PTGER3: variants seen among roughly 807,000 people sequenced by gnomAD.
The protein encoded by PTGER3 is prostaglandin E receptor 3.
A neutral mutation model predicts 34.7 loss-of-function variants in PTGER3; 22 were observed. The ratio of observed to expected loss-of-function variants is 0.63; its 90% CI spans 0.45 to 0.91. The LOEUF (loss-of-function observed/expected upper bound fraction) is 0.91, where lower values mean the gene tolerates loss of function less well. PTGER3 is among the 40% of genes least tolerant of loss of function. The pLI, the probability that PTGER3 is intolerant of heterozygous loss-of-function variation, is 0.00. For synonymous variants in PTGER3, 241 were observed against 230.1 expected, an observed-to-expected ratio of 1.05 and a Z score of -0.43; for missense variants, 468 against 519.4, an observed-to-expected ratio of 0.90 and a Z score of 0.96.
intron 1 of PTGER3, among the ~76,000 whole-genome samples, chr1:71,042,642 A>G (rs1343722594): frequency 1.2e-4 from 19 of 152,182 alleles, no homozygotes; most frequent in Admixed American, 1.2e-3. Flanking sequence ...GGCAGAAGAG[A>G]TTAGCAATTG....
Position 70,929,301 on chromosome 1 carries a change from T to C in PTGER3, c.*23+24462A>G, listed in dbSNP as rs571389184. On this transcript the variant is annotated intron_variant, in intron 4 of 4. Coordinates refer to the PTGER3 transcript ENST00000370931. ...GGAGTTCTTGTCTATCATTCAGCAG[T>C]AACATCTTGGTTACTGGGCTAATCT... 3.9e-4 allele frequency among the ~76,000 whole-genome samples: 59 copies of C among 152,336 alleles called. 1 individual carries two copies. Among genetic ancestry groups the C allele is most frequent in the African/African-American group, 1.4e-3 (58 of 41,590 alleles).
intron 2 of PTGER3, among the ~76,000 whole-genome samples, chr1:70,988,225 C>A (rs1261475548): frequency 6.6e-6 from 1 of 152,094 alleles, no homozygotes; most frequent in Admixed American, 6.5e-5. Context: ...TCAGGCAAAA[C>A]CTTGATAAAT....
chr1:70,861,750 T>C (rs1645932657), intron 4 of PTGER3, among the ~76,000 whole-genome samples: 1 of 152,194 alleles, frequency 6.6e-6, no homozygotes, highest in East Asian at 1.9e-4. Flanking sequence ...GCTTGCTGTG[T>C]GTTTCTCTCT....
chr1:70,915,143 T>G (rs1647146198), intron 4 of PTGER3, among the ~76,000 whole-genome samples: 2 of 151,896 alleles, frequency 1.3e-5, no homozygotes, highest in African/African-American at 2.4e-5. Flanking sequence ...GTAATCTGCT[T>G]TATTAGAAAA....
chr1:71,047,689 C>G lies in PTGER3; in HGVS notation c.-112G>C, dbSNP rs932620282. 2 of 1,279,878 alleles carry G rather than the reference C, an allele frequency of 1.6e-6. No homozygotes were observed. The highest frequency in any genetic ancestry group is 2.1e-6 in the Non-Finnish European group (2 of 961,978). 79.3% of individuals were successfully genotyped at this position (1,279,878 alleles called of 1,614,324 possible). A position where few individuals can be genotyped will look rare whatever the true frequency, so the allele number is the denominator to read the frequency against. On this transcript the variant is annotated 5_prime_UTR_variant, in exon 1 of 4. Coordinates refer to ENST00000306666, the MANE Select transcript of PTGER3 (RefSeq NM_198719.2). The stretch of plus-strand genomic sequence containing the variant: ...GTTTACCGCGGCTGGGGCTGGGCTG[C>G]CCCCCATGGTGCGGGGCGCAGCCGC...
intron 2 of PTGER3, among the ~76,000 whole-genome samples, chr1:70,987,519 G>A (rs1422762376): frequency 6.6e-6 from 1 of 152,196 alleles, no homozygotes; most frequent in Non-Finnish European, 1.5e-5. Flanking sequence ...ATTGCACTAA[G>A]TAGTTCCATG....
chr1:70,874,225 G>T lies in PTGER3; in HGVS notation c.*24-21366C>A, dbSNP rs35406306. Reference sequence around the variant, plus strand: ...CAAACTGCAGCAAGCAGAGCTCAGTGCAGAACTGCATGTACTCACACTTCC... The same window carrying T: ...CAAACTGCAGCAAGCAGAGCTCAGTTCAGAACTGCATGTACTCACACTTCC... On this transcript the variant is annotated intron_variant, in intron 4 of 4. Transcript: ENST00000370931. Among the ~76,000 whole-genome samples the T allele has an allele frequency of 1.3e-4, 20 of 152,318 alleles. No homozygotes were observed. The East Asian group carries it at 3.9e-3, about 29-fold the overall frequency.
intron 4 of PTGER3, among the ~76,000 whole-genome samples, chr1:70,909,858 T>C (rs760841170): frequency 4.3e-4 from 66 of 152,338 alleles, no homozygotes; most frequent in Non-Finnish European, 7.6e-4. Flanking sequence ...TTCTTCACTC[T>C]CGCTCACCTC....
rs141908497 is a variant in PTGER3 at position 71,036,173 on chromosome 1, A to G, written c.897+10508T>C. On this transcript the variant is annotated intron_variant, in intron 1 of 3. Transcript: ENST00000306666. The stretch of plus-strand genomic sequence containing the variant: ...TGTGGTATACCAAAGGAAAACCCAC[A>G]CAACACTCTGTGGTCACTTGGGAAG... Among the ~76,000 whole-genome samples, 260 of 152,348 alleles carry G rather than the reference A, an allele frequency of 1.7e-3. 6 individuals are homozygous for G. In the East Asian group the frequency reaches 0.042, roughly 25 times the overall value.
chr1:71,022,949 G>C (rs899437406), intron 1 of PTGER3, among the ~76,000 whole-genome samples: 5 of 151,726 alleles, frequency 3.3e-5, no homozygotes, highest in Non-Finnish European at 7.4e-5. Flanking sequence ...AATTGTTCCT[G>C]TCCTCTTTTA....
chr1:70,985,481 A>G (rs1654829237), intron 2 of PTGER3, among the ~76,000 whole-genome samples: 1 of 152,156 alleles, frequency 6.6e-6, no homozygotes, highest in Non-Finnish European at 1.5e-5. Context: ...TGTTTCTCAT[A>G]AATGCAGAAT....
chr1:71,009,913 T>G (rs981189158), intron 2 of PTGER3: 7 of 985,132 alleles, frequency 7.1e-6, no homozygotes, highest in Non-Finnish European at 8.4e-6. Flanking sequence ...TCAACCATCA[T>G]GAAAAGGCTG....
chr1:70,932,556 C>A (rs1462162196), intron 4 of PTGER3, among the ~76,000 whole-genome samples: 1 of 152,144 alleles, frequency 6.6e-6, no homozygotes, highest in African/African-American at 2.4e-5. Flanking sequence ...GTGCTTCTTA[C>A]ATGGTGGCGG....
At chr1:71,019,376 G>A (rs2268061) in intron 1 of PTGER3, among the ~76,000 whole-genome samples, 50,393 of 151,990 alleles carry the variant, frequency 0.33, 9,069 homozygotes, top group South Asian at 0.45. Flanking sequence ...CTAGCTGAAC[G>A]GAGCTGCAGC....
Position 71,047,414 on chromosome 1 carries a change from G to C in PTGER3, c.164C>G (p.Pro55Arg). 3 of 1,611,736 alleles carry C rather than the reference G, an allele frequency of 1.9e-6. No homozygotes were observed. The highest frequency in any genetic ancestry group is 2.5e-6 in the Non-Finnish European group (3 of 1,179,698). ...GAAACCAGTGAGCAGCATGGTGATC[G>C]GGAAGGCCACGGACACCGATCCGCA... ...EDCGSVSVAF[P>R]ITMLLTGFVG... The change falls in exon 1 of 4, where the codon CCG becomes CGG. Residue 55 changes from proline to arginine, a missense_variant. Around this residue, in one of 5 missense-constraint regions of PTGER3, gnomAD observed 151 missense variants for 133.5 expected, o/e 1.13. Coordinates refer to ENST00000306666, the MANE Select transcript of PTGER3 (RefSeq NM_198719.2).
At chr1:70,865,193 A>G (rs577150397) in intron 4 of PTGER3, among the ~76,000 whole-genome samples, 1 of 152,326 alleles carries the variant, frequency 6.6e-6, no homozygotes, top group African/African-American at 2.4e-5. Flanking sequence ...GGTCAGCAGG[A>G]GAGGTTTGTC....
chr1:70,990,129 G>T (rs532232652), intron 2 of PTGER3, among the ~76,000 whole-genome samples: 1 of 151,664 alleles, frequency 6.6e-6, no homozygotes, highest in Non-Finnish European at 1.5e-5. Context: ...CGAGTTGGGC[G>T]GATCACGAGG....
chr1:70,957,425 A>C (rs753953606), intron 2 of PTGER3, among the ~76,000 whole-genome samples: 7 of 152,216 alleles, frequency 4.6e-5, no homozygotes, highest in Non-Finnish European at 1.0e-4. Context: ...AAAATCCATT[A>C]TGAACAACAT....
chr1:70,893,138 A>G (rs1434141514), intron 4 of PTGER3, among the ~76,000 whole-genome samples: 1 of 152,204 alleles, frequency 6.6e-6, no homozygotes, highest in East Asian at 1.9e-4. Context: ...GCAATATGCC[A>G]TAACTGTGTG....
Sources: gnomAD v4.1 joint callset for allele counts (sites outside exome capture counted in the v4.1 genomes callset) on GRCh38, gnomAD v4.1.1 for gene constraint, gnomAD v4.1.1 regional missense constraint, MANE v1.5 for transcripts, NCBI Gene and HGNC (gene_info 2026-07-23, HGNC 2026-07-21) for gene names.